RAB5C: variants seen among roughly 807,000 people sequenced by gnomAD.
The protein encoded by RAB5C is RAB5C, member RAS oncogene family.
Under a neutral mutation model 25.2 loss-of-function variants are expected in RAB5C, and 4 were observed. That is an observed-to-expected ratio of 0.16 (90% CI 0.08 to 0.36). The LOEUF is 0.36. Ranked by LOEUF, RAB5C falls within the 10% of genes least tolerant of loss-of-function variation. The pLI is 1.00. For synonymous variants in RAB5C, 100 were observed against 106.4 expected (o/e 0.94, Z 0.37); for missense variants, 199 against 283.8 (o/e 0.70, Z 2.15).
intron 1 of RAB5C, among the ~76,000 whole-genome samples, chr17:42,136,025 T>C (rs1026148755): frequency 6.6e-6 from 1 of 152,162 alleles, no homozygotes; most frequent in Non-Finnish European, 1.5e-5. Context: ...ACTCTTCAGC[T>C]ACATTTTACC....
At chr17:42,142,891 G>A (rs1182920614) in intron 1 of RAB5C, among the ~76,000 whole-genome samples, 3 of 152,178 alleles carry the variant, frequency 2.0e-5, no homozygotes, top group Admixed American at 6.5e-5. Context: ...TGACTGGCCC[G>A]GACCATGTGG....
chr17:42,131,854 A>G (rs1193313107), intron 1 of RAB5C: 2 of 485,202 alleles, frequency 4.1e-6, no homozygotes, highest in Non-Finnish European at 7.4e-6. Flanking sequence ...CTCATCAGAC[A>G]TATACATCTG....
At chr17:42,148,562 G>T (rs1197929739) in intron 1 of RAB5C, among the ~76,000 whole-genome samples, 1 of 152,170 alleles carries the variant, frequency 6.6e-6, no homozygotes, top group African/African-American at 2.4e-5. Flanking sequence ...AACAGGACCC[G>T]ATCTGTGCCC....
intron 1 of RAB5C, among the ~76,000 whole-genome samples, chr17:42,141,334 A>G (rs1304890090): frequency 6.6e-6 from 1 of 152,220 alleles, no homozygotes; most frequent in Non-Finnish European, 1.5e-5. Flanking sequence ...AATTAAAGGC[A>G]CTGTTGCAGA....
intron 1 of RAB5C, among the ~76,000 whole-genome samples, chr17:42,142,967 C>T (rs1172993214): frequency 2.6e-5 from 4 of 152,144 alleles, no homozygotes; most frequent in East Asian, 1.9e-4. Flanking sequence ...AAATAGAGAA[C>T]GATTATATAC....
chr17:42,128,898 C>G, intron 2 of RAB5C, 98 bp from the exon 3 acceptor site: 2 of 1,129,648 alleles, frequency 1.8e-6, no homozygotes, highest in Non-Finnish European at 2.3e-6. Context: ...AGAAGCCCAC[C>G]ACTGAGATGG....
At chr17:42,131,463 T>C in intron 1 of RAB5C, 1 of 726,008 alleles carries the variant, frequency 1.4e-6, no homozygotes, top group Non-Finnish European at 2.3e-6. Context: ...CAAAAACACA[T>C]GCCAACACAC....
intron 1 of RAB5C, chr17:42,137,714 C>A (rs2054551268): frequency 6.6e-6 from 1 of 152,084 alleles, no homozygotes; most frequent in African/African-American, 2.4e-5. Context: ...TGGTGAAACC[C>A]CGTCTCTACT....
At chr17:42,144,964 A>C (rs2079624719) in intron 1 of RAB5C, among the ~76,000 whole-genome samples, 1 of 123,732 alleles carries the variant, frequency 8.1e-6, no homozygotes, top group Non-Finnish European at 1.7e-5. Flanking sequence ...AAAAAAAAAA[A>C]AAAAAAAAAA....
chr17:42,126,742 A>C lies in RAB5C; in HGVS notation c.535+13T>G, dbSNP rs2054429696. On this transcript the variant is annotated intron_variant, in intron 5 of 5. Coordinates refer to ENST00000346213, the MANE Select transcript of RAB5C (RefSeq NM_004583.4). ...GCTGTGGTGGAGAGAGGAGGGGAGG[A>C]GAAGCAACTGACCTATTGCCATGAA... The C allele has an allele frequency of 6.3e-7, 1 of 1,584,252 alleles. No individual in the cohort carries two copies. Among genetic ancestry groups the C allele is most frequent in the Admixed American group, 1.7e-5 (1 of 59,412 alleles).
chr17:42,133,207 C>T (rs890484467), intron 1 of RAB5C, among the ~76,000 whole-genome samples: 1 of 152,142 alleles, frequency 6.6e-6, no homozygotes, highest in Non-Finnish European at 1.5e-5. Context: ...ACCATGAATC[C>T]ACGTGACACA....
At chr17:42,137,546 C>A (rs1408865726) in intron 1 of RAB5C, among the ~76,000 whole-genome samples, 1 of 152,136 alleles carries the variant, frequency 6.6e-6, no homozygotes, top group Non-Finnish European at 1.5e-5. Context: ...TCTAGCTCCT[C>A]TGTATATAAA....
At chr17:42,136,632 C>T (rs970384672) in intron 1 of RAB5C, 2 of 152,214 alleles carry the variant, frequency 1.3e-5, no homozygotes, top group Admixed American at 1.3e-4. Flanking sequence ...AAACAATGCA[C>T]CACAGTATCA....
chr17:42,152,419 T>A (rs767993786), intron 1 of RAB5C, among the ~76,000 whole-genome samples: 28 of 152,166 alleles, frequency 1.8e-4, no homozygotes, highest in Admixed American at 3.3e-4. Context: ...GTGCCAGAAG[T>A]GGCTGCATAA....
At chr17:42,133,997 C>T (rs1048904985) in intron 1 of RAB5C, among the ~76,000 whole-genome samples, 4 of 152,122 alleles carry the variant, frequency 2.6e-5, no homozygotes, top group African/African-American at 9.7e-5. Flanking sequence ...GCACTTTTTA[C>T]GGTCTGTTGC....
At chr17:42,134,417 G>C (rs547923816) in intron 1 of RAB5C, among the ~76,000 whole-genome samples, 2 of 152,256 alleles carry the variant, frequency 1.3e-5, no homozygotes, top group African/African-American at 4.8e-5. Flanking sequence ...AGTCAAAGTT[G>C]ATTTTTTTAA....
chr17:42,147,057 AG>A (rs2079640374), intron 1 of RAB5C, among the ~76,000 whole-genome samples: 1 of 150,852 alleles, frequency 6.6e-6, no homozygotes, highest in African/African-American at 2.5e-5. Flanking sequence ...AGACAGAAAA[AG>A]AAAGAAAGAA....
At position 42,145,332 on chromosome 17, in the gene RAB5C, A is replaced by G. The variant is rs143867463; in HGVS notation, c.-89+9561T>C. Among the ~76,000 whole-genome samples, 6 of 152,292 alleles carry G rather than the reference A, an allele frequency of 3.9e-5. 1 individual carries two copies. Among genetic ancestry groups the G allele is most frequent in the Non-Finnish European group, 7.4e-5 (5 of 68,020 alleles). ...GCATGGAAAGGGGAAGGGGAGAACA[A>G]CTTTACAGAGAAGCCTCACACACAT... On this transcript the variant is annotated intron_variant, in intron 1 of 5. Transcript: ENST00000346213.
intron 1 of RAB5C, chr17:42,131,903 A>T: frequency 6.1e-6 from 2 of 325,336 alleles, no homozygotes; most frequent in Non-Finnish European, 1.2e-5. Flanking sequence ...AATGTTTTAC[A>T]AACAGGTCCT....
Sources: allele counts gnomAD v4.1 joint callset (sites outside exome capture counted in the v4.1 genomes callset), GRCh38; gene constraint gnomAD v4.1.1; transcripts MANE v1.5; gene names NCBI Gene and HGNC (gene_info 2026-07-23, HGNC 2026-07-21).